EEIG1: variants seen among roughly 807,000 people sequenced by gnomAD.
EEIG1 encodes early estrogen-induced gene 1 protein.
At chr9:127,943,187 GCTC>G in the EEIG1 span, 1 of 1,614,048 alleles carries the variant, frequency 6.2e-7, no homozygotes. Context: ...CCGGACACCT[GCTC>G]CTCAATGGCT....
the EEIG1 span, among the ~76,000 whole-genome samples, chr9:127,967,742 C>T: frequency 6.6e-6 from 1 of 152,248 alleles, no homozygotes; most frequent in African/African-American, 2.4e-5. Flanking sequence ...CCACCGGACA[C>T]TTGACTTTTC....
chr9:127,947,849 C>G, the EEIG1 span, among the ~76,000 whole-genome samples: 1 of 152,110 alleles, frequency 6.6e-6, no homozygotes, highest in Non-Finnish European at 1.5e-5. Flanking sequence ...GATGGGGAGG[C>G]CACATCAGTC....
At chr9:127,978,872 C>G in the EEIG1 span, among the ~76,000 whole-genome samples, 2 of 151,954 alleles carry the variant, frequency 1.3e-5, no homozygotes, top group African/African-American at 4.8e-5. Flanking sequence ...AAAAAATTAG[C>G]TGGGTGTGGT....
chr9:127,943,133 T>C, the EEIG1 span: 1 of 1,535,582 alleles, frequency 6.5e-7, no homozygotes, highest in African/African-American at 1.4e-5. Context: ...CCTCATGGAA[T>C]GATACAGGTC....
chr9:127,980,164 C>G, the EEIG1 span: 5 of 1,598,324 alleles, frequency 3.1e-6, no homozygotes, highest in African/African-American at 2.7e-5. Context: ...TCTGAAGCCC[C>G]GAAGGCGAAA....
the EEIG1 span, among the ~76,000 whole-genome samples, chr9:127,960,163 G>A: frequency 1.3e-5 from 2 of 152,232 alleles, no homozygotes; most frequent in African/African-American, 4.8e-5. Context: ...CCTTAGGGCA[G>A]TGACATCTGA....
At chr9:127,953,728 T>G in the EEIG1 span, 1 of 1,610,614 alleles carries the variant, frequency 6.2e-7, no homozygotes, top group Non-Finnish European at 8.5e-7. Flanking sequence ...CACCCCATTT[T>G]CAGCTGGGGG....
chr9:127,945,087 C>G, the EEIG1 span, among the ~76,000 whole-genome samples: 1 of 152,138 alleles, frequency 6.6e-6, no homozygotes, highest in Non-Finnish European at 1.5e-5. The surrounding 1 kb of genome is among the most constrained non-coding windows in gnomAD (Gnocchi z 6.5). Context: ...ATTTTATAGA[C>G]GAGGATGCCA....
chr9:127,967,861 C>T, the EEIG1 span, among the ~76,000 whole-genome samples: 1 of 152,170 alleles, frequency 6.6e-6, no homozygotes, highest in Non-Finnish European at 1.5e-5. Flanking sequence ...GAAGTAACTA[C>T]TGACAGGCAC....
chr9:127,946,076 G>A, the EEIG1 span, among the ~76,000 whole-genome samples: 6 of 152,254 alleles, frequency 3.9e-5, no homozygotes, highest in Non-Finnish European at 7.3e-5. Context: ...CTGGGGGTCT[G>A]GCCCAGTCTG....
the EEIG1 span, among the ~76,000 whole-genome samples, chr9:127,967,179 C>G: frequency 6.6e-6 from 1 of 152,146 alleles, no homozygotes; most frequent in Non-Finnish European, 1.5e-5. Context: ...GTGTTGGGGA[C>G]CATGTTAGGA....
chr9:127,973,704 G>C, the EEIG1 span, among the ~76,000 whole-genome samples: 1 of 152,172 alleles, frequency 6.6e-6, no homozygotes, highest in African/African-American at 2.4e-5. This position sits in a 1 kb window ranked among gnomAD's most constrained non-coding sequence, Gnocchi z 4.2. Context: ...CCACAGCCTC[G>C]CTGCCCGGGC....
the EEIG1 span, chr9:127,943,346 CCT>C: frequency 7.3e-6 from 8 of 1,089,808 alleles, no homozygotes; most frequent in East Asian, 1.7e-4. Flanking sequence ...GTTAACCAGC[CCT>C]GTGTTGCAAA....
At chr9:127,943,097 G>A in the EEIG1 span, 20 of 1,145,698 alleles carry the variant, frequency 1.7e-5, no homozygotes, top group Non-Finnish European at 2.4e-5. Context: ...GAGATGTGGC[G>A]CAGAGGTGAT....
the EEIG1 span, among the ~76,000 whole-genome samples, chr9:127,952,046 G>A: frequency 3.9e-5 from 6 of 152,208 alleles, no homozygotes; most frequent in Non-Finnish European, 8.8e-5. Context: ...TGCCTGCCAT[G>A]TGCTGGGTGC....
chr9:127,944,518 G>A, the EEIG1 span: 2 of 857,074 alleles, frequency 2.3e-6, no homozygotes, highest in Non-Finnish European at 1.9e-6. Flanking sequence ...GTGGCGACAA[G>A]ATTTGGCGTT....
At chr9:127,961,664 A>G in the EEIG1 span, among the ~76,000 whole-genome samples, 1 of 152,218 alleles carries the variant, frequency 6.6e-6, no homozygotes, top group Admixed American at 6.5e-5. Flanking sequence ...AAAGGAACCA[A>G]GGAAGGAGGC....
the EEIG1 span, among the ~76,000 whole-genome samples, chr9:127,979,140 A>G: frequency 6.6e-6 from 1 of 152,208 alleles, no homozygotes; most frequent in East Asian, 1.9e-4. Flanking sequence ...AGTAAGCCAC[A>G]GCATCCAGCC....
At chr9:127,964,349 A>G in the EEIG1 span, among the ~76,000 whole-genome samples, 1 of 152,176 alleles carries the variant, frequency 6.6e-6, no homozygotes, top group East Asian at 1.9e-4. Context: ...CTGATCCAGC[A>G]TTACTGCCCA....
Sources: allele counts gnomAD v4.1 joint callset (sites outside exome capture counted in the v4.1 genomes callset), GRCh38; gene constraint gnomAD v4.1.1; non-coding constraint Gnocchi (gnomAD v3.1); transcripts MANE v1.5; gene names NCBI Gene and HGNC (gene_info 2026-07-23, HGNC 2026-07-21).